The following SPATA7 variants were observed in gnomAD, a reference collection of about 807,000 sequenced individuals.
SPATA7 encodes the protein spermatogenesis associated 7.
A neutral mutation model predicts 51.8 loss-of-function variants in SPATA7; 43 were observed. The observed-to-expected ratio is 0.83, with a 90% CI of 0.65 to 1.07. The LOEUF (loss-of-function observed/expected upper bound fraction) is 1.07, where lower values mean the gene tolerates loss of function less well. SPATA7 is among the 50% of genes least tolerant of loss of function. The pLI, the probability that SPATA7 is intolerant of heterozygous loss-of-function variation, is 0.00. For synonymous variants in SPATA7, 230 were observed against 252.8 expected, an observed-to-expected ratio of 0.91 and a Z score of 0.86; for missense variants, 683 against 701.3, an observed-to-expected ratio of 0.97 and a Z score of 0.30.
rs1049960284 is a variant in SPATA7, at chr14:88,389,210, GT to G, written c.20-2160del. On this transcript the variant is annotated intron_variant, in intron 1 of 11. Transcript: ENST00000393545. ...TTATTTCTCCCCTCAATTCTGTTAG[GT>G]TTTTTTTTTTCCTTTCTCTTTCTTT... Among the ~76,000 whole-genome samples the G allele has an allele frequency of 5.1e-3, 747 of 147,058 alleles. 4 individuals carry two copies. The highest frequency in any genetic ancestry group is 8.0e-3 in the South Asian group (37 of 4,602).
chr14:88,468,145 G>C (rs1256870182), intron 4 of SPATA7: 5 of 1,613,880 alleles, frequency 3.1e-6, no homozygotes, highest in Non-Finnish European at 4.2e-6. Context: ...GCTTAGATGA[G>C]CCTGGAGCTT....
intron 3 of SPATA7, among the ~76,000 whole-genome samples, chr14:88,453,459 G>C (rs1287018705): frequency 6.6e-6 from 1 of 150,976 alleles, no homozygotes; most frequent in East Asian, 2.0e-4. Context: ...GAACAGAGCA[G>C]CTTTTGTGGG....
chr14:88,445,929 A>G (rs978827616), intron 3 of SPATA7, among the ~76,000 whole-genome samples: 3 of 152,258 alleles, frequency 2.0e-5, no homozygotes, highest in Admixed American at 6.5e-5. Context: ...TTCATCAAGG[A>G]TATTGGTCTA....
At chr14:88,416,875 A>G (rs762001916) in intron 5 of SPATA7, 31 bp downstream of exon 5, 3 of 1,556,564 alleles carry the variant, frequency 1.9e-6, no homozygotes, top group South Asian at 1.1e-5. Context: ...TTTAAAAGCA[A>G]ATGTTTCTAA....
chr14:88,439,941 G>A (rs570077838), downstream of SPATA7, among the ~76,000 whole-genome samples: 6 of 152,094 alleles, frequency 3.9e-5, no homozygotes, highest in Middle Eastern at 3.4e-3. Context: ...AAGCAACACC[G>A]TCTATCCCCT....
At chr14:88,425,763 T>G (rs1339604997) in intron 5 of SPATA7, among the ~76,000 whole-genome samples, 1 of 152,146 alleles carries the variant, frequency 6.6e-6, no homozygotes, top group Non-Finnish European at 1.5e-5. Context: ...GCTCCATACA[T>G]TATGAGGAGA....
intron 4 of SPATA7, among the ~76,000 whole-genome samples, chr14:88,407,472 T>G (rs1293140605): frequency 6.6e-6 from 1 of 152,094 alleles, no homozygotes. Flanking sequence ...GGTTTTTTCT[T>G]GTAAATTTAA....
At chr14:88,388,911 A>G (rs572609093) in intron 1 of SPATA7, among the ~76,000 whole-genome samples, 77 of 152,312 alleles carry the variant, frequency 5.1e-4, no homozygotes, top group African/African-American at 1.7e-3. Flanking sequence ...CCGAGGAGTG[A>G]TATCGGAGGC....
At chr14:88,429,546 T>C in intron 8 of SPATA7, 83 bp downstream of exon 8, 1 of 847,732 alleles carries the variant, frequency 1.2e-6, no homozygotes. Flanking sequence ...GCCGCATAAG[T>C]ACTATTTAAT....
At chr14:88,435,103 G>A (rs914030327) in intron 10 of SPATA7, among the ~76,000 whole-genome samples, 26 of 152,136 alleles carry the variant, frequency 1.7e-4, no homozygotes, top group Admixed American at 2.6e-4. Flanking sequence ...TATCATCTTA[G>A]AGATGTGGCT....
Position 88,418,242 on chromosome 14 carries a change from G to C in SPATA7, c.372+1398G>C, listed in dbSNP as rs146077556. On this transcript the variant is annotated intron_variant, in intron 5 of 11. Coordinates refer to ENST00000393545, the MANE Select transcript of SPATA7 (RefSeq NM_018418.5). ...TCTATTGTATTTTGTTTTCTGTTTTGTTAATATCTGTGTTTATCTTTATTT... is the reference window on the plus strand; with the variant it reads ...TCTATTGTATTTTGTTTTCTGTTTTCTTAATATCTGTGTTTATCTTTATTT... 2.0e-4 allele frequency among the ~76,000 whole-genome samples: 31 copies of C among 151,774 alleles called. No individual in the cohort carries two copies. The East Asian group carries it at 5.8e-3, about 28-fold the overall frequency.
At position 88,416,824 on chromosome 14, in the gene SPATA7, CT is replaced by C. The variant is rs1566770412; in HGVS notation, c.357del (p.Phe119LeufsTer18). 6.3e-7 allele frequency: 1 copy of C among 1,597,842 alleles called. No individual in the cohort carries two copies. The highest frequency in any genetic ancestry group is 1.1e-5 in the South Asian group (1 of 90,336). On this transcript the variant is annotated frameshift_variant, in exon 5 of 12. Coordinates refer to ENST00000393545, the MANE Select transcript of SPATA7 (RefSeq NM_018418.5). LOFTEE classifies it high-confidence loss of function. The part of the protein sequence containing the change: ...RANYKNNSKS[L>X]FNTLQKPSGE... Reference sequence around the variant, plus strand: ...CAATTATAAAAATAATTCCAAGTCACTTTTTAATACCTTACAAAAGGTAAGA... The same window carrying C: ...CAATTATAAAAATAATTCCAAGTCACTTTTAATACCTTACAAAAGGTAAGA...
intron 8 of SPATA7, among the ~76,000 whole-genome samples, chr14:88,430,718 A>G (rs2076916466): frequency 1.3e-5 from 2 of 152,206 alleles, no homozygotes; most frequent in Admixed American, 1.3e-4. Flanking sequence ...TTTGCTGCTT[A>G]CTAACATTAA....
downstream of SPATA7, among the ~76,000 whole-genome samples, chr14:88,455,923 TGTCC>T (rs1194016543): frequency 2.9e-5 from 4 of 139,088 alleles, no homozygotes; most frequent in Non-Finnish European, 4.6e-5. Flanking sequence ...CCCCTTCCTG[TGTCC>T]ATGTGTTCTC....
intron 4 of SPATA7, among the ~76,000 whole-genome samples, chr14:88,396,853 AT>A (rs2075893901): frequency 7.0e-6 from 1 of 141,878 alleles, no homozygotes; most frequent in Non-Finnish European, 1.5e-5. Context: ...CTACCATACT[AT>A]TTTCTTTTCT....
downstream of SPATA7, among the ~76,000 whole-genome samples, chr14:88,459,097 T>C (rs2077301864): frequency 1.3e-5 from 2 of 152,248 alleles, no homozygotes; most frequent in African/African-American, 2.4e-5. Context: ...CAGTTTGTTA[T>C]AATTTCTGTT....
intron 1 of SPATA7, 35 bp downstream of exon 1, chr14:88,385,872 GC>G: frequency 6.3e-7 from 1 of 1,586,222 alleles, no homozygotes. Flanking sequence ...CCGCCGCCTC[GC>G]CCCTCGCTCC....
intron 3 of SPATA7, among the ~76,000 whole-genome samples, chr14:88,453,399 G>A (rs2077264933): frequency 6.6e-6 from 1 of 152,168 alleles, no homozygotes; most frequent in Non-Finnish European, 1.5e-5. Flanking sequence ...ATCATCATTA[G>A]AAGGCTGGCC....
At position 88,426,498 on chromosome 14, in the gene SPATA7, T is replaced by G; in HGVS notation, c.639T>G (p.Phe213Leu). The G allele has an allele frequency of 6.2e-7, 1 of 1,614,214 alleles. No homozygotes were observed. Among genetic ancestry groups the G allele is most frequent in the South Asian group, 1.1e-5 (1 of 91,088 alleles). ...PRSTFPNSHR[F>L]QLVISKAPSG... ...GCACATTCCCAAATTCCCACCGGTT[T>G]CAGTTAGTCATTTCGAAAGCACCCA... The change falls in exon 6 of 12, where the codon TTT (phenylalanine) becomes TTG (leucine). Residue 213 changes from phenylalanine (F) to leucine (L), a missense_variant. Transcript: ENST00000393545.
Sources: allele counts gnomAD v4.1 joint callset (sites outside exome capture counted in the v4.1 genomes callset), GRCh38; gene constraint gnomAD v4.1.1; transcripts MANE v1.5; gene names NCBI Gene and HGNC (gene_info 2026-07-23, HGNC 2026-07-21).